SRBD1: variants seen among roughly 807,000 people sequenced by gnomAD.
SRBD1 encodes S1 RNA binding domain 1.
In SRBD1, 88 loss-of-function variants were observed where a neutral mutation model predicts 115.3. The observed-to-expected ratio is 0.76, with a 90% CI of 0.64 to 0.91. The LOEUF is 0.91. Among genes scored for constraint, SRBD1 ranks in the 40% least tolerant of loss-of-function variants. The pLI, the probability that SRBD1 is intolerant of heterozygous loss-of-function variation, is 0.00. For synonymous variants in SRBD1, 509 were observed against 407.7 expected, an observed-to-expected ratio of 1.25 and a Z score of -2.99; for missense variants, 1,385 against 1,177.4, an observed-to-expected ratio of 1.18 and a Z score of -2.58.
chr2:45,463,836 C>G (rs1669399289), intron 16 of SRBD1, among the ~76,000 whole-genome samples: 1 of 152,026 alleles, frequency 6.6e-6, no homozygotes, highest in South Asian at 2.1e-4. Flanking sequence ...CCACACATAA[C>G]CAGTACACTA....
intron 4 of SRBD1, among the ~76,000 whole-genome samples, 161 bp from the exon 5 acceptor site, chr2:45,585,935 T>C (rs562986928): frequency 1.3e-5 from 2 of 152,318 alleles, no homozygotes; most frequent in East Asian, 1.9e-4. Flanking sequence ...CATGTATCCA[T>C]TGACAATCAT....
chr2:45,453,710 T>C (rs563027498), intron 16 of SRBD1, among the ~76,000 whole-genome samples: 1 of 152,080 alleles, frequency 6.6e-6, no homozygotes, highest in African/African-American at 2.4e-5. Context: ...GTTCTTTCTG[T>C]TTTTGTTTTT....
intron 9 of SRBD1, 79 bp from the exon 10 acceptor site, chr2:45,562,835 A>G (rs1672714987): frequency 2.3e-6 from 2 of 866,274 alleles, no homozygotes; most frequent in Non-Finnish European, 3.5e-6. Flanking sequence ...GCTGACAGCT[A>G]TATGAATTTT....
chr2:45,511,032 C>A (rs994218804), intron 14 of SRBD1, among the ~76,000 whole-genome samples: 2 of 152,154 alleles, frequency 1.3e-5, no homozygotes, highest in African/African-American at 4.8e-5. Context: ...ATGAGTATTG[C>A]GAACCAACAA....
At chr2:45,488,415 C>CAA in intron 14 of SRBD1, 84 bp from the exon 15 acceptor site, 6 of 1,126,696 alleles carry the variant, frequency 5.3e-6, no homozygotes, top group South Asian at 1.4e-5. Context: ...CAGGCATTAC[C>CAA]AGAAAAAAAA....
chr2:45,562,441 C>A (rs1053035497), intron 10 of SRBD1, among the ~76,000 whole-genome samples: 1 of 152,090 alleles, frequency 6.6e-6, no homozygotes, highest in Non-Finnish European at 1.5e-5. Context: ...ACCATCTTGG[C>A]CAGGCTCATA....
At chr2:45,543,274 C>T (rs1014823486) in intron 14 of SRBD1, among the ~76,000 whole-genome samples, 4 of 152,162 alleles carry the variant, frequency 2.6e-5, no homozygotes, top group African/African-American at 9.7e-5. Context: ...GACTTGCCCC[C>T]TAATATGTGT....
At position 45,462,650 on chromosome 2, in the gene SRBD1, AAAAAAAAAAAAATAC is replaced by A. The variant is rs1255876020; in HGVS notation, c.2049+14328_2049+14342del. On this transcript the variant is annotated intron_variant, in intron 16 of 20. Transcript: ENST00000263736. ...AACATGGTGAAACCCCGTCTGTACT[AAAAAAAAAAAAATAC>A]AAAAAAAAAAATTAGCCAGGCGTGG... Among the ~76,000 whole-genome samples the A allele has an allele frequency of 8.5e-5, 12 of 141,428 alleles. No individual in the cohort carries two copies. In the South Asian group the frequency reaches 2.0e-3, roughly 24 times the overall value. 92.8% of individuals were successfully genotyped at this position (141,428 alleles called of 152,430 possible).
intron 15 of SRBD1, among the ~76,000 whole-genome samples, chr2:45,483,986 T>C (rs1250140293): frequency 6.6e-6 from 1 of 152,160 alleles, no homozygotes; most frequent in Non-Finnish European, 1.5e-5. Context: ...TCATAGATGA[T>C]GTACCTAAAA....
intron 14 of SRBD1, among the ~76,000 whole-genome samples, chr2:45,517,535 C>G (rs2103944496): frequency 6.6e-6 from 1 of 152,284 alleles, no homozygotes; most frequent in African/African-American, 2.4e-5. Context: ...CTGTATACAG[C>G]TAAGTCATCA....
chr2:45,604,460 G>A (rs1489966741), intron 2 of SRBD1, among the ~76,000 whole-genome samples: 1 of 152,114 alleles, frequency 6.6e-6, no homozygotes, highest in Non-Finnish European at 1.5e-5. Flanking sequence ...GAGAAGAGAA[G>A]TTAAAGGGAC....
intron 14 of SRBD1, among the ~76,000 whole-genome samples, chr2:45,504,829 T>C (rs1165581805): frequency 6.6e-6 from 1 of 152,148 alleles, no homozygotes; most frequent in Non-Finnish European, 1.5e-5. Context: ...CACCAGTGTG[T>C]ACATATGTAT....
chr2:45,486,426 C>G (rs1670120393), intron 15 of SRBD1, among the ~76,000 whole-genome samples: 1 of 151,996 alleles, frequency 6.6e-6, no homozygotes, highest in Admixed American at 6.6e-5. Context: ...CCTCAGTTTC[C>G]TATTTTAGAA....
At chr2:45,562,191 C>G (rs538754226) in intron 10 of SRBD1, among the ~76,000 whole-genome samples, 2 of 152,120 alleles carry the variant, frequency 1.3e-5, no homozygotes, top group East Asian at 3.9e-4. Context: ...TCAAAAAGGA[C>G]ACTACATACC....
intron 14 of SRBD1, among the ~76,000 whole-genome samples, chr2:45,543,337 G>A (rs1368425311): frequency 6.6e-6 from 1 of 152,204 alleles, no homozygotes; most frequent in Non-Finnish European, 1.5e-5. Context: ...ATGAATGAGA[G>A]AAAAGACAGA....
chr2:45,429,066 G>A (rs79787725), intron 16 of SRBD1, among the ~76,000 whole-genome samples: 1 of 149,890 alleles, frequency 6.7e-6, no homozygotes, highest in Non-Finnish European at 1.5e-5. Flanking sequence ...ATAAATTGCT[G>A]GACACATATA....
intron 16 of SRBD1, among the ~76,000 whole-genome samples, chr2:45,462,257 C>A (rs1443815744): frequency 2.0e-5 from 3 of 152,128 alleles, no homozygotes; most frequent in African/African-American, 7.2e-5. Flanking sequence ...ATAGCGCCCT[C>A]ATACAGATTT....
intron 4 of SRBD1, among the ~76,000 whole-genome samples, chr2:45,598,885 C>T (rs1168038016): frequency 6.6e-6 from 1 of 152,156 alleles, no homozygotes; most frequent in Non-Finnish European, 1.5e-5. Context: ...CAAAAGCTCA[C>T]TAGCTACTCT....
intron 15 of SRBD1, among the ~76,000 whole-genome samples, chr2:45,483,856 G>A (rs1490957969): frequency 6.6e-6 from 1 of 151,902 alleles, no homozygotes; most frequent in Non-Finnish European, 1.5e-5. Context: ...GACCCTCTAA[G>A]TAATAATTAC....
Sources: gnomAD v4.1 joint callset for allele counts (sites outside exome capture counted in the v4.1 genomes callset) on GRCh38, gnomAD v4.1.1 for gene constraint, MANE v1.5 for transcripts, NCBI Gene and HGNC (gene_info 2026-07-23, HGNC 2026-07-21) for gene names.